COL4A2: variants seen among roughly 807,000 people sequenced by gnomAD.
The protein encoded by COL4A2 is collagen alpha-2(IV) chain.
COL4A2 carries 99 observed loss-of-function variants against 200.2 expected under a neutral mutation model. The observed-to-expected ratio is 0.49, with a 90% CI of 0.42 to 0.58. The LOEUF (loss-of-function observed/expected upper bound fraction) is 0.58, where lower values mean the gene tolerates loss of function less well. Ranked by LOEUF, COL4A2 falls within the 20% of genes least tolerant of loss-of-function variation. The pLI, the probability that COL4A2 is intolerant of heterozygous loss-of-function variation, is 0.00. For synonymous variants in COL4A2, 897 were observed against 900.6 expected (o/e 1.00, Z 0.07); for missense variants, 1,950 against 2,314.1 (o/e 0.84, Z 3.23).
chr13:110,427,374 T>C (rs540452690), intron 6 of COL4A2, among the ~76,000 whole-genome samples: 1 of 152,316 alleles, frequency 6.6e-6, no homozygotes, highest in Non-Finnish European at 1.5e-5. Flanking sequence ...GGTCTCGAAC[T>C]CCTGGCCTCA....
chr13:110,461,998 G>A (rs185152022), intron 22 of COL4A2, 116 bp from the exon 23 acceptor site: 56 of 1,485,570 alleles, frequency 3.8e-5, no homozygotes, highest in South Asian at 6.5e-5. Flanking sequence ...GTGGCGCTCG[G>A]TTTGGTGACG....
intron 20 of COL4A2, among the ~76,000 whole-genome samples, chr13:110,451,415 C>T (rs1284766244): frequency 6.6e-6 from 1 of 152,160 alleles, no homozygotes; most frequent in African/African-American, 2.4e-5. Flanking sequence ...TAAGAACATA[C>T]CCAAGACTGG....
chr13:110,467,698 C>T (rs992182617), intron 27 of COL4A2, among the ~76,000 whole-genome samples: 10 of 152,322 alleles, frequency 6.6e-5, no homozygotes, highest in Admixed American at 3.3e-4. Context: ...GTCCCGCCTG[C>T]GCTGCGATTC....
chr13:110,477,225 AC>A (rs1882736844), intron 29 of COL4A2, among the ~76,000 whole-genome samples: 1 of 152,196 alleles, frequency 6.6e-6, no homozygotes, highest in African/African-American at 2.4e-5. Flanking sequence ...TGAGCAAAGA[AC>A]TAAAACTTCA....
intron 36 of COL4A2, 137 bp downstream of exon 36, chr13:110,489,922 G>A: frequency 1.2e-6 from 1 of 836,942 alleles, no homozygotes; most frequent in Non-Finnish European, 1.9e-6. Flanking sequence ...CAAGTCCAAT[G>A]TGCAAGAAAG....
chr13:110,452,812 G>T (rs1313614781), intron 20 of COL4A2, among the ~76,000 whole-genome samples: 1 of 151,922 alleles, frequency 6.6e-6, no homozygotes, highest in Non-Finnish European at 1.5e-5. Flanking sequence ...TCCCAGGCTG[G>T]AGTGCAGTGG....
intron 3 of COL4A2, among the ~76,000 whole-genome samples, chr13:110,325,728 A>G (rs1032727282): frequency 2.0e-5 from 3 of 151,546 alleles, no homozygotes; most frequent in Non-Finnish European, 2.9e-5. Flanking sequence ...TGCTTTGTGC[A>G]TTGTCAAGGA....
chr13:110,480,164 A>T (rs1338560092), intron 30 of COL4A2, 56 bp from the exon 31 acceptor site: 1 of 1,499,502 alleles, frequency 6.7e-7, no homozygotes, highest in African/African-American at 1.4e-5. Flanking sequence ...AGCAGAAGAG[A>T]AATTTCCCCT....
chr13:110,466,397 G>A (rs944537642), intron 26 of COL4A2, among the ~76,000 whole-genome samples: 2 of 152,182 alleles, frequency 1.3e-5, no homozygotes, highest in African/African-American at 4.8e-5. Flanking sequence ...TGGCGAGGAT[G>A]TCAGGCCAAG....
chr13:110,321,805 C>T (rs1260244795), intron 3 of COL4A2, among the ~76,000 whole-genome samples: 3 of 152,180 alleles, frequency 2.0e-5, no homozygotes, highest in Non-Finnish European at 4.4e-5. Context: ...GAGAATGTAC[C>T]AGCAGGGGAA....
At chr13:110,502,398 C>T (rs569316703) in intron 41 of COL4A2, among the ~76,000 whole-genome samples, 3 of 152,276 alleles carry the variant, frequency 2.0e-5, no homozygotes, top group African/African-American at 7.2e-5. Flanking sequence ...GATCTTAGCT[C>T]GCTGCAATCT....
chr13:110,383,892 A>G (rs553964191), intron 4 of COL4A2, among the ~76,000 whole-genome samples: 1 of 152,196 alleles, frequency 6.6e-6, no homozygotes, highest in African/African-American at 2.4e-5. Context: ...CATTACAGGC[A>G]TGAGCCACTG....
At chr13:110,459,632 A>G (rs574259216) in intron 22 of COL4A2, 3 of 152,308 alleles carry the variant, frequency 2.0e-5, no homozygotes, top group Admixed American at 1.3e-4. Flanking sequence ...GATATAATGA[A>G]GATGTTCTGA....
intron 4 of COL4A2, among the ~76,000 whole-genome samples, chr13:110,360,359 A>G (rs940276916): frequency 1.3e-5 from 2 of 152,250 alleles, no homozygotes; most frequent in Non-Finnish European, 2.9e-5. Context: ...AACATTTTCC[A>G]TAATGCCTTT....
At chr13:110,427,104 G>A (rs1457576988) in intron 6 of COL4A2, among the ~76,000 whole-genome samples, 4 of 152,120 alleles carry the variant, frequency 2.6e-5, no homozygotes, top group East Asian at 1.9e-4. Context: ...TTCAGGTTAC[G>A]GAGAACTATA....
chr13:110,377,691 A>G (rs1032040889), intron 4 of COL4A2, among the ~76,000 whole-genome samples: 1 of 152,244 alleles, frequency 6.6e-6, no homozygotes, highest in Non-Finnish European at 1.5e-5. Context: ...GGCTTTGACT[A>G]TGGGGAAATT....
intron 16 of COL4A2, 55 bp from the exon 17 acceptor site, chr13:110,445,774 C>T: frequency 1.2e-6 from 2 of 1,603,322 alleles, no homozygotes. Flanking sequence ...ATTGCAGTCC[C>T]TTTTTGGAGT....
intron 10 of COL4A2, among the ~76,000 whole-genome samples, chr13:110,432,112 G>A (rs923404645): frequency 1.3e-5 from 2 of 152,172 alleles, no homozygotes; most frequent in African/African-American, 2.4e-5. Context: ...ACAGCTGTCC[G>A]TAGACAGCCG....
intron 4 of COL4A2, among the ~76,000 whole-genome samples, chr13:110,376,375 T>C (rs1326729149): frequency 6.6e-6 from 1 of 152,132 alleles, no homozygotes; most frequent in Non-Finnish European, 1.5e-5. Flanking sequence ...TGATATCACA[T>C]GAGCCTCTGA....
Sources: gnomAD v4.1 joint callset for allele counts (sites outside exome capture counted in the v4.1 genomes callset) on GRCh38, gnomAD v4.1.1 for gene constraint, MANE v1.5 for transcripts, NCBI Gene and HGNC (gene_info 2026-07-23, HGNC 2026-07-21) for gene names.